Variants in NMBR observed in about 807,000 individuals in gnomAD.
The protein encoded by NMBR is neuromedin-B receptor.
NMBR carries 16 observed loss-of-function variants against 20.5 expected under a neutral mutation model. That is an observed-to-expected ratio of 0.78 (90% confidence interval 0.53 to 1.19). NMBR has a LOEUF of 1.19. NMBR is among the 50% of genes most tolerant of loss of function. The probability of loss-of-function intolerance (pLI) is 0.00; values close to 1 mark genes in which losing one functional copy is unlikely to be tolerated. For missense variants in NMBR, 582 were observed against 499.1 expected, an observed-to-expected ratio of 1.17 and a Z score of -1.58; for synonymous variants, 212 against 196.6, an observed-to-expected ratio of 1.08 and a Z score of -0.65.
At chr6:142,076,096 C>T in intron 3 of NMBR, 47 bp from the exon 4 acceptor site, 1 of 1,498,438 alleles carries the variant, frequency 6.7e-7, no homozygotes, top group East Asian at 2.3e-5. Flanking sequence ...GAAAATGGAA[C>T]CAGCCACATA....
At chr6:142,111,239 C>CAA (rs1266123186) in intron 1 of NMBR, among the ~76,000 whole-genome samples, 1 of 129,256 alleles carries the variant, frequency 7.7e-6, no homozygotes, top group Non-Finnish European at 1.7e-5. Context: ...GACTCCAACT[C>CAA]AAAAAAAAAA....
At chr6:142,116,355 G>T (rs1013782615) in intron 1 of NMBR, among the ~76,000 whole-genome samples, 3 of 151,888 alleles carry the variant, frequency 2.0e-5, no homozygotes, top group African/African-American at 7.3e-5. Flanking sequence ...TATATAGAAT[G>T]TTTGGCTCTA....
intron 1 of NMBR, among the ~76,000 whole-genome samples, chr6:142,141,319 TG>T (rs1778357556): frequency 6.6e-6 from 1 of 151,976 alleles, no homozygotes; most frequent in South Asian, 2.1e-4. Flanking sequence ...TATTAACCCA[TG>T]GATCAAAGAA....
chr6:142,138,654 A>G (rs371366239), intron 1 of NMBR, among the ~76,000 whole-genome samples: 9 of 152,232 alleles, frequency 5.9e-5, no homozygotes, highest in African/African-American at 2.2e-4. Flanking sequence ...TAAATTCTCT[A>G]TAGATAACAT....
In NMBR at chr6:142,088,361, C is replaced by A; in HGVS notation, c.298G>T (p.Asp100Tyr). 1 of 1,614,130 alleles carries A rather than the reference C, an allele frequency of 6.2e-7. No homozygotes were observed. The highest frequency in any genetic ancestry group is 8.5e-7 in the Non-Finnish European group (1 of 1,180,018). The change falls in exon 2 of 4, where the codon GAC becomes TAC. Residue 100 changes from aspartate (D) to tyrosine (Y), a missense_variant. Asp to Tyr is a radical substitution (Grantham distance 160). Coordinates refer to ENST00000258042, the MANE Select transcript of NMBR (RefSeq NM_002511.4). ...LLLLLTCVPV[D>Y]ASRYFFDEWM... The stretch of plus-strand genomic sequence containing the variant: ...TCGTCGAAGAAGTAGCGCGAGGCGT[C>A]CACCGGGACGCAGGTGAGCAGCAGC...
rs932057843 is a variant in NMBR, at chr6:142,075,474, G to A, written c.*174C>T. 5 of 552,112 alleles carry A rather than the reference G, an allele frequency of 9.1e-6. No homozygotes were observed. Among genetic ancestry groups the A allele is most frequent in the African/African-American group, 7.6e-5 (4 of 52,386 alleles). The allele number at this position is 552,112 out of a possible 1,614,324, so 34.2% of individuals were successfully genotyped here. On this transcript the variant is annotated 3_prime_UTR_variant, in exon 4 of 4. Transcript: ENST00000258042. The stretch of plus-strand genomic sequence containing the variant: ...GTCTTTTCTCATATTCTAATTATTA[G>A]GAAATGAAAAGAGAAAAAATAAAGT...
chr6:142,083,379 G>C (rs147730421), intron 2 of NMBR, among the ~76,000 whole-genome samples: 1 of 152,166 alleles, frequency 6.6e-6, no homozygotes, highest in Non-Finnish European at 1.5e-5. Flanking sequence ...GTGAAAGTAT[G>C]GGTCATTTTA....
At chr6:142,115,098 T>G (rs1777827925) in intron 1 of NMBR, among the ~76,000 whole-genome samples, 1 of 152,134 alleles carries the variant, frequency 6.6e-6, no homozygotes, top group African/African-American at 2.4e-5. Context: ...CCTTCAGGAC[T>G]TTCTGCTCAA....
intron 2 of NMBR, 77 bp from the exon 3 acceptor site, chr6:142,078,980 G>C (rs988339356): frequency 1.1e-6 from 1 of 891,398 alleles, no homozygotes; most frequent in African/African-American, 1.8e-5. Flanking sequence ...GAAAGAAAAA[G>C]AAAGGAAGAA....
At chr6:142,143,531 TC>T (rs1396204167) in intron 1 of NMBR, among the ~76,000 whole-genome samples, 2 of 152,188 alleles carry the variant, frequency 1.3e-5, no homozygotes, top group Admixed American at 6.5e-5. Flanking sequence ...TGATCCACTC[TC>T]CTCGGCTTCC....
intron 1 of NMBR, among the ~76,000 whole-genome samples, chr6:142,135,434 T>C (rs565891012): frequency 1.2e-4 from 18 of 152,150 alleles, no homozygotes; most frequent in Non-Finnish European, 2.4e-4. Context: ...AGTTTGACCA[T>C]TAACTTGAAG....
intron 1 of NMBR, among the ~76,000 whole-genome samples, chr6:142,125,286 G>A (rs142581981): frequency 6.6e-6 from 1 of 151,908 alleles, no homozygotes; most frequent in Non-Finnish European, 1.5e-5. Context: ...ATGGTAGAGA[G>A]GAAACATATA....
intron 1 of NMBR, among the ~76,000 whole-genome samples, chr6:142,132,779 G>T (rs1437345590): frequency 2.6e-5 from 4 of 152,126 alleles, no homozygotes; most frequent in Non-Finnish European, 5.9e-5. Flanking sequence ...CACTAATTTA[G>T]ATACAGTCCA....
At chr6:142,085,257 C>T (rs1257213306) in intron 2 of NMBR, among the ~76,000 whole-genome samples, 3 of 152,166 alleles carry the variant, frequency 2.0e-5, no homozygotes, top group South Asian at 2.1e-4. Context: ...GGAGCAGTGG[C>T]TCACACTTGT....
At chr6:142,098,288 C>A (rs1245235584) in intron 1 of NMBR, among the ~76,000 whole-genome samples, 2 of 152,102 alleles carry the variant, frequency 1.3e-5, no homozygotes, top group Admixed American at 1.3e-4. Context: ...AAAATGTGTA[C>A]TCTCACCATT....
At chr6:142,095,721 G>T (rs943972993) in intron 1 of NMBR, among the ~76,000 whole-genome samples, 3 of 152,170 alleles carry the variant, frequency 2.0e-5, no homozygotes, top group Non-Finnish European at 4.4e-5. Flanking sequence ...AGTTTCAGAA[G>T]GGATGGTATC....
At chr6:142,135,844 CAT>C (rs1356943330) in intron 1 of NMBR, among the ~76,000 whole-genome samples, 1 of 151,804 alleles carries the variant, frequency 6.6e-6, no homozygotes, top group African/African-American at 2.4e-5. Context: ...TTTATGGCTG[CAT>C]AGTATTCCAT....
rs1031066304 is a variant in NMBR at position 142,104,156 on chromosome 6, G to C, written c.-663-14835C>G. On this transcript the variant is annotated intron_variant, in intron 1 of 3. Transcript: ENST00000258042. ...GCCTCCCAAAATGCTGGGTTTAGAG[G>C]CATGAGCCACCACACCCAGCATAAA... Among the ~76,000 whole-genome samples, 4 of 152,128 alleles carry C rather than the reference G, an allele frequency of 2.6e-5. 1 individual carries two copies. The highest frequency in any genetic ancestry group is 4.1e-4 in the South Asian group (2 of 4,820).
intron 1 of NMBR, chr6:142,133,121 T>G: frequency 1.5e-6 from 1 of 647,902 alleles, no homozygotes. Context: ...GGGTCAAGAA[T>G]TAACCAACAG....
Sources: allele counts gnomAD v4.1 joint callset (sites outside exome capture counted in the v4.1 genomes callset), GRCh38; gene constraint gnomAD v4.1.1; transcripts MANE v1.5; gene names NCBI Gene and HGNC (gene_info 2026-07-23, HGNC 2026-07-21).